Variants in CELF2 observed in about 807,000 individuals in gnomAD.
CELF2 encodes CUG triplet repeat RNA-binding protein 2.
In CELF2, 8 loss-of-function variants were observed where a neutral mutation model predicts 62.6. That is an observed-to-expected ratio of 0.13 (90% CI 0.07 to 0.23). The LOEUF is 0.23. CELF2 is among the 10% of genes least tolerant of loss of function. CELF2 has a pLI of 1.00. For synonymous variants in CELF2, 258 were observed against 250.0 expected (o/e 1.03, Z -0.30); for missense variants, 333 against 671.0 (o/e 0.50, Z 5.56).
chr10:10,555,982 T>C, the CELF2 span, among the ~76,000 whole-genome samples: 1 of 152,216 alleles, frequency 6.6e-6, no homozygotes, highest in Admixed American at 6.5e-5. Flanking sequence ...TATGTGTATA[T>C]ATAATACTTT....
At chr10:10,913,858 A>AGAAGGAAGGAAG (rs71378770) in intron 1 of CELF2, among the ~76,000 whole-genome samples, 18,783 of 100,834 alleles carry the variant, frequency 0.19, 2,264 homozygotes, top group African/African-American at 0.22. Context: ...AGGGAAGGAG[A>AGAAGGAAGGAAG]GAAGGAAGGA....
chr10:11,085,438 G>A (rs781366637), intron 1 of CELF2, among the ~76,000 whole-genome samples: 3 of 152,162 alleles, frequency 2.0e-5, no homozygotes, highest in Non-Finnish European at 4.4e-5. Context: ...AAGAGTCCAG[G>A]AGATTGTCAA....
chr10:10,998,533 G>A (rs556234916), intron 2 of CELF2, among the ~76,000 whole-genome samples: 210 of 152,320 alleles, frequency 1.4e-3, no homozygotes, highest in African/African-American at 4.8e-3. Flanking sequence ...TTAAGGAAAT[G>A]TGTGGGGCCT....
intron 2 of CELF2, among the ~76,000 whole-genome samples, chr10:11,198,262 G>A (rs1390645553): frequency 6.6e-6 from 1 of 152,216 alleles, no homozygotes; most frequent in Non-Finnish European, 1.5e-5. Flanking sequence ...TTATTCTGCT[G>A]TCCTTAATAT....
chr10:11,173,434 A>G (rs2069694466), intron 2 of CELF2, among the ~76,000 whole-genome samples: 1 of 152,234 alleles, frequency 6.6e-6, no homozygotes, highest in South Asian at 2.1e-4. Flanking sequence ...TTCTAATGAA[A>G]GTTTAAAATT....
chr10:11,265,248 C>A (rs1208610476), intron 5 of CELF2, among the ~76,000 whole-genome samples: 1 of 152,224 alleles, frequency 6.6e-6, no homozygotes, highest in Non-Finnish European at 1.5e-5. Context: ...ACAGGGGCAA[C>A]AATCTCACAT....
chr10:11,101,902 G>A (rs2051777405), intron 1 of CELF2, among the ~76,000 whole-genome samples: 1 of 152,138 alleles, frequency 6.6e-6, no homozygotes, highest in Non-Finnish European at 1.5e-5. Context: ...CATTATTGTT[G>A]AGGTATCCTG....
At chr10:11,032,709 G>C (rs1330138128) in intron 1 of CELF2, among the ~76,000 whole-genome samples, 1 of 151,984 alleles carries the variant, frequency 6.6e-6, no homozygotes, top group Admixed American at 6.6e-5. Context: ...TATTGTGATG[G>C]CTTTATCCAA....
At chr10:10,779,487 T>TC in the CELF2 span, among the ~76,000 whole-genome samples, 2 of 152,114 alleles carry the variant, frequency 1.3e-5, no homozygotes, top group African/African-American at 4.8e-5. Context: ...TTCTCCTTCC[T>TC]CTTTTTTTTT....
At chr10:10,582,807 A>G in the CELF2 span, among the ~76,000 whole-genome samples, 1 of 152,184 alleles carries the variant, frequency 6.6e-6, no homozygotes, top group Non-Finnish European at 1.5e-5. Context: ...CTTCTTCTGT[A>G]TTCTGCCAGT....
rs1370277493 is a variant in CELF2 at position 11,333,296 on chromosome 10, A to ATATC, written c.*4244_*4247dup. ...TCTATCCACTTTTATCTTTTAATAA[A>ATATC]TATCAAAAGGAAAAAGCTGCAAGGG... On this transcript the variant is annotated 3_prime_UTR_variant, in exon 13 of 13. Transcript: ENST00000633077. The ATATC allele has an allele frequency of 1.3e-5, 2 of 152,664 alleles. No individual in the cohort carries two copies. Among genetic ancestry groups the ATATC allele is most frequent in the Non-Finnish European group, 2.9e-5 (2 of 68,048 alleles). 9.5% of individuals were successfully genotyped at this position (152,664 alleles called of 1,614,324 possible).
chr10:10,969,726 G>T (rs2050555376), intron 2 of CELF2, among the ~76,000 whole-genome samples: 2 of 152,126 alleles, frequency 1.3e-5, no homozygotes, highest in African/African-American at 4.8e-5. Flanking sequence ...TAAAAGAATA[G>T]ATCTAAAGTC....
intron 7 of CELF2, among the ~76,000 whole-genome samples, chr10:11,271,734 T>C (rs1227747623): frequency 4.6e-5 from 7 of 152,110 alleles, no homozygotes; most frequent in Non-Finnish European, 1.0e-4. Flanking sequence ...TGTGTGTGTG[T>C]GTACCCCATG....
chr10:10,764,206 A>G, the CELF2 span, among the ~76,000 whole-genome samples: 273 of 152,378 alleles, frequency 1.8e-3, 1 homozygote, highest in Non-Finnish European at 3.2e-3. Flanking sequence ...TATTGTGTGC[A>G]TTGACAAAGT....
chr10:10,808,087 T>G (rs1377819227), intron 1 of CELF2, among the ~76,000 whole-genome samples: 2 of 152,204 alleles, frequency 1.3e-5, no homozygotes, highest in Non-Finnish European at 2.9e-5. Context: ...GTTAAAGATC[T>G]GATGGGCATT....
chr10:11,213,112 CCT>C (rs2062357985), intron 2 of CELF2, among the ~76,000 whole-genome samples: 1 of 149,750 alleles, frequency 6.7e-6, no homozygotes, highest in Admixed American at 6.8e-5. Context: ...TGGAGCGAGG[CCT>C]CTCACTCCAC....
In CELF2 at chr10:11,246,388, C is replaced by T. The variant is rs77934324; in HGVS notation, c.355-2765C>T. Among the ~76,000 whole-genome samples, 7 of 152,210 alleles carry T rather than the reference C, an allele frequency of 4.6e-5. No individual in the cohort carries two copies. The East Asian group carries it at 1.4e-3, about 29-fold the overall frequency. On this transcript the variant is annotated intron_variant, in intron 3 of 12. Transcript: ENST00000633077. The surrounding 1 kb of genome is among the most constrained non-coding windows in gnomAD (Gnocchi z 4.6). ...AAAGGACAGATGGGTGGCCCCCATC[C>T]TCCACTGAGCTTCCTGTTGAACTCC...
intron 2 of CELF2, among the ~76,000 whole-genome samples, chr10:11,171,048 T>G (rs978881480): frequency 3.9e-5 from 6 of 152,206 alleles, no homozygotes; most frequent in African/African-American, 1.4e-4. Flanking sequence ...CTGGTCTCTT[T>G]TGGCAACTTC....
the CELF2 span, among the ~76,000 whole-genome samples, chr10:10,516,220 T>C: frequency 1.3e-5 from 2 of 152,144 alleles, no homozygotes; most frequent in African/African-American, 4.8e-5. Flanking sequence ...GGGTAGGCAA[T>C]AGGCATCTCT....
Sources: allele counts gnomAD v4.1 joint callset (sites outside exome capture counted in the v4.1 genomes callset), GRCh38; gene constraint gnomAD v4.1.1; non-coding constraint Gnocchi (gnomAD v3.1); transcripts MANE v1.5; gene names NCBI Gene and HGNC (gene_info 2026-07-23, HGNC 2026-07-21).